STK38L: variants seen among roughly 807,000 people sequenced by gnomAD.
The protein encoded by STK38L is serine/threonine-protein kinase 38-like.
In STK38L, 28 loss-of-function variants were observed where a neutral mutation model predicts 59.7. The ratio of observed to expected loss-of-function variants is 0.47; its 90% CI spans 0.35 to 0.64. STK38L has a LOEUF of 0.64. STK38L is among the 30% of genes least tolerant of loss of function. The pLI is 0.01. For synonymous variants in STK38L, 162 were observed against 176.8 expected (o/e 0.92, Z 0.66); for missense variants, 314 against 555.8 (o/e 0.56, Z 4.37).
intron 1 of STK38L, among the ~76,000 whole-genome samples, chr12:27,291,249 C>T (rs1943889487): frequency 6.6e-6 from 1 of 152,190 alleles, no homozygotes; most frequent in South Asian, 2.1e-4. Context: ...TTTCTACCTT[C>T]ATCTTCTGCC....
At chr12:27,283,178 AAGC>A (rs1346155317) in intron 1 of STK38L, among the ~76,000 whole-genome samples, 1 of 152,228 alleles carries the variant, frequency 6.6e-6, no homozygotes, top group East Asian at 1.9e-4. Flanking sequence ...CCTTTCAAAA[AAGC>A]AGTTTACACA....
At position 27,325,094 on chromosome 12, in the gene STK38L, AGTTAT is replaced by A. The variant is rs1309522994; in HGVS notation, c.*2645_*2649del. Reference sequence around the variant, plus strand: ...TATTAAAAACCTTTGTATTAAAGCAAGTTATGTTATTTTTCTTTTATGCATTTATT... The same window carrying A: ...TATTAAAAACCTTTGTATTAAAGCAAGTTATTTTTCTTTTATGCATTTATT... On this transcript the variant is annotated 3_prime_UTR_variant, in exon 14 of 14. Coordinates refer to ENST00000389032, the MANE Select transcript of STK38L (RefSeq NM_015000.4). The A allele has an allele frequency of 2.0e-5, 3 of 152,202 alleles. No homozygotes were observed. The highest frequency in any genetic ancestry group is 6.5e-5 in the Admixed American group (1 of 15,286). The allele number at this position is 152,202 out of a possible 1,614,324, so 9.4% of individuals were successfully genotyped here.
In STK38L at chr12:27,325,396, T is replaced by G. The variant is rs566837578; in HGVS notation, c.*2941T>G. ...TTTAAAATATTTTAAGTACATTTAT[T>G]TTTGGTGTTTTATTGTATAAAACCT... On this transcript the variant is annotated 3_prime_UTR_variant, in exon 14 of 14. Coordinates refer to ENST00000389032, the MANE Select transcript of STK38L (RefSeq NM_015000.4). The G allele has an allele frequency of 1.9e-4, 29 of 152,294 alleles. 1 individual carries two copies. In the Middle Eastern group the frequency reaches 0.014, roughly 71 times the overall value. The allele number at this position is 152,294 out of a possible 1,614,324, so 9.4% of individuals were successfully genotyped here.
chr12:27,297,587 C>T (rs1944055567), intron 1 of STK38L, 123 bp from the exon 2 acceptor site: 3 of 903,580 alleles, frequency 3.3e-6, no homozygotes, highest in Non-Finnish European at 4.9e-6. Flanking sequence ...ATGTGAAATA[C>T]TTGGATGTGT....
At chr12:27,310,713 G>A (rs1462697178) in intron 5 of STK38L, among the ~76,000 whole-genome samples, 1 of 152,010 alleles carries the variant, frequency 6.6e-6, no homozygotes, top group African/African-American at 2.4e-5. Flanking sequence ...TTACATACAT[G>A]ACTTGTGTTA....
At chr12:27,248,226 A>G (rs956522931) in intron 1 of STK38L, among the ~76,000 whole-genome samples, 2 of 152,218 alleles carry the variant, frequency 1.3e-5, no homozygotes, top group Non-Finnish European at 2.9e-5. Flanking sequence ...GTTTATTTTC[A>G]TGAATAGCTA....
chr12:27,314,631 G>A lies in STK38L; in HGVS notation c.645G>A (p.Lys215=), dbSNP rs1944540699. ...HQLGFIHRDI[K]PDNLLLDAKG... is the part of the protein sequence containing the mutation. Reference sequence around the variant, plus strand: ...TGGGTTTCATCCATCGGGATATTAAGCCAGACAACCTTTTATTGGATGCCA... The same window carrying A: ...TGGGTTTCATCCATCGGGATATTAAACCAGACAACCTTTTATTGGATGCCA... Residue 215 remains lysine, a synonymous_variant, in exon 7 of 14, where the codon AAG becomes AAA. Transcript: ENST00000389032. The A allele has an allele frequency of 6.2e-7, 1 of 1,604,272 alleles. No individual in the cohort carries two copies. Among genetic ancestry groups the A allele is most frequent in the African/African-American group, 1.3e-5 (1 of 74,218 alleles).
In STK38L at chr12:27,282,467, C is replaced by T. The variant is rs184576418; in HGVS notation, c.-11-15243C>T. ...ATGCAGCTTACAAAAGAAATAGTTA[C>T]ATAAAATATATAAAAATATGCTTAA... On this transcript the variant is annotated intron_variant, in intron 1 of 13. Coordinates refer to ENST00000389032, the MANE Select transcript of STK38L (RefSeq NM_015000.4). Among the ~76,000 whole-genome samples, 129 of 151,930 alleles carry T rather than the reference C, an allele frequency of 8.5e-4. No homozygotes were observed. The Middle Eastern group carries it at 0.02, about 24-fold the overall frequency.
intron 2 of STK38L, among the ~76,000 whole-genome samples, chr12:27,299,416 GCAAA>G (rs1944108017): frequency 6.6e-6 from 1 of 151,910 alleles, no homozygotes; most frequent in African/African-American, 2.4e-5. Flanking sequence ...TAGAGCAGAG[GCAAA>G]CAAACAAAAA....
In STK38L at chr12:27,325,496, AT is replaced by A. The variant is rs1944819596; in HGVS notation, c.*3043del. 6.6e-6 allele frequency: 1 copy of A among 152,196 alleles called. No homozygotes were observed. Among genetic ancestry groups the A allele is most frequent in the Non-Finnish European group, 1.5e-5 (1 of 68,002 alleles). The allele number at this position is 152,196 out of a possible 1,614,324, so 9.4% of individuals were successfully genotyped here. A position where few individuals can be genotyped will look rare whatever the true frequency, so the allele number is the denominator to read the frequency against. ...CTTTTGCTGATCTACAAATAAATGA[AT>A]TGAGAATTTAGTCCATAGAGGTCCC... On this transcript the variant is annotated 3_prime_UTR_variant, in exon 14 of 14. Coordinates refer to ENST00000389032, the MANE Select transcript of STK38L (RefSeq NM_015000.4).
At chr12:27,300,869 T>TA (rs1591915999) in intron 2 of STK38L, among the ~76,000 whole-genome samples, 1 of 152,296 alleles carries the variant, frequency 6.6e-6, no homozygotes, top group South Asian at 2.1e-4. Flanking sequence ...GATGGTTTAG[T>TA]AAAAAAGCTT....
chr12:27,295,998 A>C (rs1944010600), intron 1 of STK38L, among the ~76,000 whole-genome samples: 1 of 152,184 alleles, frequency 6.6e-6, no homozygotes, highest in Non-Finnish European at 1.5e-5. Context: ...AAAATATAAA[A>C]AGCAACAGAT....
At chr12:27,303,787 G>C (rs1336560512) in intron 3 of STK38L, among the ~76,000 whole-genome samples, 1 of 152,096 alleles carries the variant, frequency 6.6e-6, no homozygotes, top group Non-Finnish European at 1.5e-5. Flanking sequence ...AGAGGTAAGG[G>C]ATGTATACAA....
At position 27,323,210 on chromosome 12, in the gene STK38L, T is replaced by G. The variant is rs1165912456; in HGVS notation, c.*755T>G. The stretch of plus-strand genomic sequence containing the variant: ...TATACTCATAGGGAGATGTACTGTA[T>G]TATATAACATGTAAAGTTGATTTTC... On this transcript the variant is annotated 3_prime_UTR_variant, in exon 14 of 14. Transcript: ENST00000389032. 6.6e-6 allele frequency: 1 copy of G among 152,300 alleles called. No individual in the cohort carries two copies. Among genetic ancestry groups the G allele is most frequent in the African/African-American group, 2.4e-5 (1 of 41,576 alleles). The allele number at this position is 152,300 out of a possible 1,614,324, so 9.4% of individuals were successfully genotyped here. A position where few individuals can be genotyped will look rare whatever the true frequency, so the allele number is the denominator to read the frequency against.
intron 1 of STK38L, among the ~76,000 whole-genome samples, chr12:27,290,986 G>C (rs746989061): frequency 2.6e-5 from 4 of 152,144 alleles, no homozygotes; most frequent in Non-Finnish European, 4.4e-5. Context: ...AGTCTGATCT[G>C]TACTTCCAGC....
At position 27,308,206 on chromosome 12, in the gene STK38L, TTG is replaced by T. The variant is rs1944362120; in HGVS notation, c.187-131_187-130del. 1.3e-6 allele frequency: 1 copy of T among 788,352 alleles called. No homozygotes were observed. Among genetic ancestry groups the T allele is most frequent in the Admixed American group, 4.2e-5 (1 of 23,794 alleles). 48.8% of individuals were successfully genotyped at this position (788,352 alleles called of 1,614,324 possible). A position where few individuals can be genotyped will look rare whatever the true frequency, so the allele number is the denominator to read the frequency against. On this transcript the variant is annotated intron_variant, in intron 3 of 13. Coordinates refer to ENST00000389032, the MANE Select transcript of STK38L (RefSeq NM_015000.4). This position sits in a 1 kb window ranked among gnomAD's most constrained non-coding sequence, Gnocchi z 4.5. Reference sequence around the variant, plus strand: ...AAAATTTTAGAAAGTTTTCTTTAAATTGTTTTAGCCTAATAGTATATTACATA... The same window carrying T: ...AAAATTTTAGAAAGTTTTCTTTAAATTTTTAGCCTAATAGTATATTACATA...
At chr12:27,313,222 T>C (rs1944499096) in intron 6 of STK38L, among the ~76,000 whole-genome samples, 1 of 136,288 alleles carries the variant, frequency 7.3e-6, no homozygotes, top group African/African-American at 2.9e-5. Context: ...CAGTCCGGCC[T>C]GGGCGAAAAC....
At position 27,308,927 on chromosome 12, in the gene STK38L, TAA is replaced by T. The variant is rs1040287524; in HGVS notation, c.310-184_310-183del. Reference sequence around the variant, plus strand: ...ATATATAAATATATATTAATATATATAAAATATATATAAATATATATATAACA... The same window carrying T: ...ATATATAAATATATATTAATATATATAATATATATAAATATATATATAACA... On this transcript the variant is annotated intron_variant, in intron 4 of 13. Transcript: ENST00000389032. This position sits in a 1 kb window ranked among gnomAD's most constrained non-coding sequence, Gnocchi z 4.5. Among the ~76,000 whole-genome samples, 40 of 145,726 alleles carry T rather than the reference TAA, an allele frequency of 2.7e-4. No individual in the cohort carries two copies. Among genetic ancestry groups the T allele is most frequent in the African/African-American group, 9.7e-4 (39 of 40,332 alleles).
intron 9 of STK38L, among the ~76,000 whole-genome samples, chr12:27,315,605 G>T (rs1414180344): frequency 6.6e-6 from 1 of 152,160 alleles, no homozygotes; most frequent in African/African-American, 2.4e-5. Context: ...CTAGTAATTA[G>T]CACTTTAAAT....
Sources: allele counts gnomAD v4.1 joint callset (sites outside exome capture counted in the v4.1 genomes callset), GRCh38; gene constraint gnomAD v4.1.1; non-coding constraint Gnocchi (gnomAD v3.1); transcripts MANE v1.5; gene names NCBI Gene and HGNC (gene_info 2026-07-23, HGNC 2026-07-21).